The following CACNA1F variants were observed in gnomAD, a reference collection of about 807,000 sequenced individuals.
CACNA1F encodes the protein voltage-dependent L-type calcium channel subunit alpha-1F.
Under a neutral mutation model 143.8 loss-of-function variants are expected in CACNA1F, and 59 were observed. That is an observed-to-expected ratio of 0.41 (90% confidence interval 0.33 to 0.51). CACNA1F has a LOEUF of 0.51. Among genes scored for constraint, CACNA1F ranks in the 20% least tolerant of loss-of-function variants. CACNA1F has a pLI of 0.22. For synonymous variants in CACNA1F, 643 were observed against 649.1 expected, an observed-to-expected ratio of 0.99 and a Z score of 0.14; for missense variants, 1,411 against 1,647.5, an observed-to-expected ratio of 0.86 and a Z score of 2.48.
rs59355923 is a variant in CACNA1F, at chrX:49,219,735, CTCTTCCTCT to C, written c.2433_2441del (p.Glu812_Glu814del). On this transcript the variant is annotated inframe_deletion, in exon 20 of 48. Transcript: ENST00000323022. Reference sequence around the variant, plus strand: ...GCAGGAGTTCCACACCCCCTGCACCCTCTTCCTCTTCTTCCTCTTCTTCCTCTTCTTCCT... The same window carrying C: ...GCAGGAGTTCCACACCCCCTGCACCCTCTTCCTCTTCTTCCTCTTCTTCCT... The C allele has an allele frequency of 9.1e-4, 1,075 of 1,177,619 alleles. 1 individual carries two copies. The highest frequency in any genetic ancestry group is 7.0e-3 in the Middle Eastern group (30 of 4,309).
intron 1 of CACNA1F, among the ~76,000 whole-genome samples, chrX:49,232,762 C>T (rs1182410432): frequency 1.8e-5 from 2 of 111,009 alleles, no homozygotes; most frequent in African/African-American, 6.6e-5. Context: ...ACTCTAGAGC[C>T]CTCATGGCTT....
intron 29 of CACNA1F, among the ~76,000 whole-genome samples, chrX:49,214,498 A>G (rs2065691144): frequency 8.9e-6 from 1 of 112,480 alleles, no homozygotes; most frequent in Non-Finnish European, 1.9e-5. Flanking sequence ...AGACATAAAC[A>G]TAAATCTGCT....
chrX:49,205,550 C>G, intron 47 of CACNA1F, 66 bp downstream of exon 47: 1 of 1,080,706 alleles, frequency 9.3e-7, no homozygotes, highest in Non-Finnish European at 1.3e-6. Context: ...CCTTTCCGTC[C>G]TCCTCCAGTA....
intron 9 of CACNA1F, 93 bp from the exon 10 acceptor site, chrX:49,226,795 C>A (rs2065830186): frequency 4.0e-6 from 4 of 989,387 alleles, no homozygotes; most frequent in Middle Eastern, 2.7e-4. Context: ...GTCTTTATAG[C>A]TGAGGCTGGT....
intron 18 of CACNA1F, 101 bp downstream of exon 18, chrX:49,220,934 A>C: frequency 1.4e-6 from 1 of 722,512 alleles, no homozygotes; most frequent in Non-Finnish European, 2.2e-6. Flanking sequence ...GTGAGACTCT[A>C]TCTCAAAATA....
At position 49,215,560 on chromosome X, in the gene CACNA1F, G is replaced by T. The variant is rs368889312; in HGVS notation, c.3237-17C>A. 6.0e-5 allele frequency: 65 copies of T among 1,084,586 alleles called. No individual in the cohort carries two copies. The highest frequency in any genetic ancestry group is 7.8e-5 in the Non-Finnish European group (62 of 790,271). 89.4% of individuals were successfully genotyped at this position (1,084,586 alleles called of 1,213,427 possible). A position where few individuals can be genotyped will look rare whatever the true frequency, so the allele number is the denominator to read the frequency against. On this transcript the variant is annotated splice_polypyrimidine_tract_variant and intron_variant, in intron 27 of 47. Coordinates refer to ENST00000323022, the MANE Select transcript of CACNA1F (RefSeq NM_001256789.3). ...TATAGCAGTCTGTGGGAGCCAGAGG[G>T]GGGGTAGAGGTGGGGGCAGGTGAGG...
In CACNA1F at chrX:49,230,221, G is replaced by A; in HGVS notation, c.816C>T (p.Ser272=). ...RMHKTCYFLG[S]DMEAEEDPSP... ...CCTAGGAGGGGCGGGCAGACTAACC[G>A]GATCCCAGGAAGTAGCACGTCTTGT... is the stretch of plus-strand genomic sequence containing the variant. The change falls in exon 6 of 48, where the codon TCC becomes TCT. Residue 272 remains serine, a splice_region_variant and synonymous_variant. Coordinates refer to ENST00000323022, the MANE Select transcript of CACNA1F (RefSeq NM_001256789.3). 17 of 1,201,448 alleles carry A rather than the reference G, an allele frequency of 1.4e-5. No homozygotes were observed. The highest frequency in any genetic ancestry group is 3.0e-5 in the East Asian group (1 of 33,528).
At chrX:49,225,827 C>T (rs1301632468) in intron 13 of CACNA1F, 82 bp downstream of exon 13, 5 of 946,268 alleles carry the variant, frequency 5.3e-6, no homozygotes, top group Admixed American at 2.7e-5. Flanking sequence ...GGGGCTGAGG[C>T]GCCCTAGAGG....
At chrX:49,229,835 A>G (rs2065859865) in intron 6 of CACNA1F, among the ~76,000 whole-genome samples, 1 of 109,875 alleles carries the variant, frequency 9.1e-6, no homozygotes. Flanking sequence ...TTTTTTTAGT[A>G]GAGGCAGGGT....
chrX:49,227,029 T>A lies in CACNA1F; in HGVS notation c.1217A>T (p.Asp406Val). 6.6e-6 allele frequency: 8 copies of A among 1,210,594 alleles called. No homozygotes were observed. The highest frequency in any genetic ancestry group is 1.8e-5 in the South Asian group (1 of 56,823). ...QMEEDLRGYL[D>V]WITQAEELDM... Reference sequence around the variant, plus strand: ...CAGCTCTTCGGCTTGAGTGATCCAGTCCAGGTAGCCCCGCAGGTCTTCCTC... The same window carrying A: ...CAGCTCTTCGGCTTGAGTGATCCAGACCAGGTAGCCCCGCAGGTCTTCCTC... The change falls in exon 9 of 48, where the codon GAC (aspartate) becomes GTC (valine). Residue 406 changes from aspartate to valine, a missense_variant. Asp to Val is a radical substitution (Grantham distance 152). This residue lies in a region of CACNA1F where 950 missense variants were observed against 1,128.1 expected (regional missense o/e 0.84). Coordinates refer to ENST00000323022, the MANE Select transcript of CACNA1F (RefSeq NM_001256789.3).
intron 6 of CACNA1F, 78 bp downstream of exon 6, chrX:49,230,142 G>A: frequency 1.1e-6 from 1 of 927,460 alleles, no homozygotes; most frequent in Non-Finnish European, 1.5e-6. Flanking sequence ...CATTTCAGTG[G>A]GTTTCCCTGA....
In CACNA1F at chrX:49,218,927, G is replaced by A. The variant is rs1602640179; in HGVS notation, c.2688C>T (p.Phe896=). ...HSFRNHILGY[F]DYAFTSIFTV... ...TGAAAATGGAGGTGAAGGCATAATC[G>A]AAGTAACCCAGAATCTGGGGTGTGA... is the stretch of plus-strand genomic sequence containing the variant. The change falls in exon 22 of 48, where the codon TTC becomes TTT. Residue 896 remains phenylalanine (F), a synonymous_variant. Coordinates refer to ENST00000323022, the MANE Select transcript of CACNA1F (RefSeq NM_001256789.3). 2 of 1,206,738 alleles carry A rather than the reference G, an allele frequency of 1.7e-6. No homozygotes were observed. Among genetic ancestry groups the A allele is most frequent in the African/African-American group, 1.7e-5 (1 of 57,667 alleles).
chrX:49,227,553 T>C (rs1413442551), intron 8 of CACNA1F, among the ~76,000 whole-genome samples: 1 of 112,181 alleles, frequency 8.9e-6, no homozygotes, highest in Non-Finnish European at 1.9e-5. Flanking sequence ...CTCGAACTCC[T>C]GACCTCAAGC....
chrX:49,231,075 G>T, intron 3 of CACNA1F, 86 bp from the exon 4 acceptor site: 1 of 856,693 alleles, frequency 1.2e-6, no homozygotes, highest in Non-Finnish European at 1.7e-6. Context: ...GCATAGTCAG[G>T]ACCGAGGGTG....
At chrX:49,231,106 A>T (rs782812680) in intron 3 of CACNA1F, 96 bp downstream of exon 3, 17 of 798,260 alleles carry the variant, frequency 2.1e-5, no homozygotes, top group Non-Finnish European at 3.0e-5. Context: ...AGGCAGGGCC[A>T]TCCGGGTCAG....
In CACNA1F at chrX:49,226,455, C is replaced by T. The variant is rs782709793; in HGVS notation, c.1417G>A (p.Asp473Asn). The T allele has an allele frequency of 1.7e-6, 2 of 1,191,044 alleles. No homozygotes were observed. The highest frequency in any genetic ancestry group is 3.0e-5 in the East Asian group (1 of 32,818). The change falls in exon 11 of 48, where the codon GAT (aspartate) becomes AAT (asparagine). Residue 473 changes from aspartate to asparagine, a missense_variant. Transcript: ENST00000323022. ...AGAGCCCCCTCCTCCTCATCCTCAT[C>T]GCCTTGGGTCTCTGTCATGGAACCG... is the stretch of plus-strand genomic sequence containing the variant. ...DTGSMTETQG[D>N]EDEEEGALAS... is the part of the protein sequence containing the mutation.
chrX:49,212,866 G>A (rs2065672072), intron 32 of CACNA1F, 71 bp from the exon 33 acceptor site: 2 of 1,176,617 alleles, frequency 1.7e-6, no homozygotes, highest in African/African-American at 3.5e-5. Flanking sequence ...TCATGCTTTG[G>A]CCCTCCCAGT....
At chrX:49,217,045 G>A (rs1285948962) in intron 26 of CACNA1F, among the ~76,000 whole-genome samples, 5 of 111,140 alleles carry the variant, frequency 4.5e-5, no homozygotes, top group African/African-American at 1.3e-4. Context: ...TGCAACCTCC[G>A]CCTCCCGGGT....
chrX:49,210,959 G>T lies in CACNA1F; in HGVS notation c.4388+6C>A. 7 of 1,203,710 alleles carry T rather than the reference G, an allele frequency of 5.8e-6. No homozygotes were observed. The highest frequency in any genetic ancestry group is 7.9e-6 in the Non-Finnish European group (7 of 890,908). ...TGGATTCTAGGTAAGGGTATAGAGG[G>T]CATACTTGGCCCCAGGGTCATATTC... On this transcript the variant is annotated splice_donor_region_variant and intron_variant, in intron 37 of 47. Coordinates refer to ENST00000323022, the MANE Select transcript of CACNA1F (RefSeq NM_001256789.3).
Sources: allele counts gnomAD v4.1 joint callset (sites outside exome capture counted in the v4.1 genomes callset), GRCh38; gene constraint gnomAD v4.1.1; regional missense constraint gnomAD v4.1.1; transcripts MANE v1.5; gene names NCBI Gene and HGNC (gene_info 2026-07-23, HGNC 2026-07-21).